The following NFIB variants were observed in gnomAD, a reference collection of about 807,000 sequenced individuals.
NFIB encodes the protein nuclear factor I B.
Under a neutral mutation model 61.5 loss-of-function variants are expected in NFIB, and 11 were observed. The observed-to-expected ratio is 0.18, with a 90% CI of 0.11 to 0.30. The LOEUF (loss-of-function observed/expected upper bound fraction) is 0.30. Among genes scored for constraint, NFIB ranks in the 10% least tolerant of loss-of-function variants. The pLI, the probability that NFIB is intolerant of heterozygous loss-of-function variation, is 1.00. For synonymous variants in NFIB, 260 were observed against 216.5 expected, an observed-to-expected ratio of 1.20 and a Z score of -1.76; for missense variants, 471 against 608.9, an observed-to-expected ratio of 0.77 and a Z score of 2.38.
At chr9:14,306,141 G>A (rs1016693846) in intron 2 of NFIB, 2 of 348,342 alleles carry the variant, frequency 5.7e-6, no homozygotes, top group Admixed American at 5.0e-5. Flanking sequence ...TCCTTCTCAG[G>A]TATTTTAAAT....
At chr9:14,455,324 G>C in the NFIB span, among the ~76,000 whole-genome samples, 1 of 152,192 alleles carries the variant, frequency 6.6e-6, no homozygotes, top group Non-Finnish European at 1.5e-5. Context: ...AAATATGTGT[G>C]ATATAACAAA....
At chr9:14,328,361 G>C (rs1369314897) in intron 1 of NFIB, among the ~76,000 whole-genome samples, 1 of 152,036 alleles carries the variant, frequency 6.6e-6, no homozygotes, top group Non-Finnish European at 1.5e-5. Context: ...GCCTAGTCTG[G>C]TCTCAAACTC....
At chr9:14,165,787 T>G (rs185765421) in intron 3 of NFIB, among the ~76,000 whole-genome samples, 262 of 152,272 alleles carry the variant, frequency 1.7e-3, no homozygotes, top group Non-Finnish European at 3.3e-3. Context: ...TCCACTTACA[T>G]GAACTATCTA....
chr9:14,346,334 A>G lies in NFIB; in HGVS notation c.109-38814T>C, dbSNP rs1201955824. ...AGCTAAAGGTAAAGGTGATCCTGAA[A>G]CCGCTTGCCCCTGGGAACGTCGCTC... On this transcript the variant is annotated intron_variant, in intron 1 of 8. Transcript: ENST00000380934. Among the ~76,000 whole-genome samples the G allele has an allele frequency of 4.3e-5, 6 of 139,708 alleles. No homozygotes were observed. In the East Asian group the frequency reaches 6.9e-4, roughly 16 times the overall value. 91.7% of individuals were successfully genotyped at this position (139,708 alleles called of 152,430 possible).
intron 2 of NFIB, among the ~76,000 whole-genome samples, chr9:14,277,952 C>G (rs2058112950): frequency 6.6e-6 from 1 of 152,174 alleles, no homozygotes; most frequent in African/African-American, 2.4e-5. Flanking sequence ...TGGCAAAGCG[C>G]TCACAAAGAT....
chr9:14,245,546 A>C (rs2054822878), intron 2 of NFIB, among the ~76,000 whole-genome samples: 1 of 152,158 alleles, frequency 6.6e-6, no homozygotes, highest in African/African-American at 2.4e-5. Context: ...ATACGTAAAC[A>C]CATGATTATA....
At chr9:14,288,482 G>A (rs1186062570) in intron 2 of NFIB, among the ~76,000 whole-genome samples, 1 of 151,958 alleles carries the variant, frequency 6.6e-6, no homozygotes, top group East Asian at 1.9e-4. Flanking sequence ...TCCCAAAACA[G>A]TATATATCAA....
At position 14,121,061 on chromosome 9, in the gene NFIB, G is replaced by A. The variant is rs188216002; in HGVS notation, c.1061-437C>T. ...GTGGATCACCTGAGGTCAGGAGTTC[G>A]AGACCAGCCTGGCTAACATGGTGAA... is the stretch of plus-strand genomic sequence containing the variant. On this transcript the variant is annotated intron_variant, in intron 7 of 10. Transcript: ENST00000380953. Among the ~76,000 whole-genome samples the A allele has an allele frequency of 5.0e-3, 754 of 152,230 alleles. 6 individuals are homozygous for A. The highest frequency in any genetic ancestry group is 0.016 in the African/African-American group (646 of 41,530).
intron 1 of NFIB, among the ~76,000 whole-genome samples, chr9:14,336,018 C>T (rs1002102765): frequency 6.6e-6 from 1 of 152,136 alleles, no homozygotes; most frequent in Non-Finnish European, 1.5e-5. Flanking sequence ...TATTCTGTTT[C>T]ATTGATTTAT....
the NFIB span, among the ~76,000 whole-genome samples, chr9:14,488,153 C>G: frequency 6.6e-6 from 1 of 151,986 alleles, no homozygotes; most frequent in Admixed American, 6.6e-5. Flanking sequence ...TGCTTGAGTC[C>G]AGGAGTTTGA....
At chr9:14,228,589 G>T (rs2131904881) in intron 2 of NFIB, among the ~76,000 whole-genome samples, 1 of 152,228 alleles carries the variant, frequency 6.6e-6, no homozygotes, top group Non-Finnish European at 1.5e-5. Flanking sequence ...ACATTTAATT[G>T]TTCATTTAAT....
rs1249464928 is a variant in NFIB at position 14,120,815 on chromosome 9, C to T, written c.1061-191G>A. ...CTCAACACCAGTACGGCTAACTACA[C>T]AGAGATAAAACATCACTCTAGAAAA... is the stretch of plus-strand genomic sequence containing the variant. On this transcript the variant is annotated intron_variant, in intron 7 of 10. Coordinates refer to ENST00000380953, the MANE Select transcript of NFIB (RefSeq NM_001190737.2). This position sits in a 1 kb window ranked among gnomAD's most constrained non-coding sequence, Gnocchi z 4.4. 2.0e-5 allele frequency among the ~76,000 whole-genome samples: 3 copies of T among 152,180 alleles called. No individual in the cohort carries two copies. Among genetic ancestry groups the T allele is most frequent in the Non-Finnish European group, 4.4e-5 (3 of 68,038 alleles).
intron 2 of NFIB, among the ~76,000 whole-genome samples, chr9:14,287,245 C>T (rs1342205917): frequency 6.6e-6 from 1 of 151,290 alleles, no homozygotes; most frequent in African/African-American, 2.4e-5. Context: ...TCCTGGCTAA[C>T]ACGGTGAAAC....
the NFIB span, among the ~76,000 whole-genome samples, chr9:14,425,075 C>T: frequency 2.0e-5 from 3 of 152,120 alleles, 1 homozygote; most frequent in Admixed American, 1.3e-4. Flanking sequence ...TGGGTTTAGC[C>T]GCTGGCATGG....
At chr9:14,224,259 G>A (rs546714782) in intron 2 of NFIB, among the ~76,000 whole-genome samples, 2 of 152,238 alleles carry the variant, frequency 1.3e-5, no homozygotes, top group East Asian at 3.9e-4. Context: ...TAAGATCACA[G>A]CTATTTTTCA....
rs576843559 is a variant in NFIB at position 14,086,783 on chromosome 9, T to C, written c.*1526A>G. 4.8e-6 allele frequency: 1 copy of C among 207,076 alleles called. No individual in the cohort carries two copies. Among genetic ancestry groups the C allele is most frequent in the African/African-American group, 2.3e-5 (1 of 43,844 alleles). 12.8% of individuals were successfully genotyped at this position (207,076 alleles called of 1,614,324 possible). A position where few individuals can be genotyped will look rare whatever the true frequency, so the allele number is the denominator to read the frequency against. On this transcript the variant is annotated 3_prime_UTR_variant, in exon 11 of 11. Transcript: ENST00000380953. The stretch of plus-strand genomic sequence containing the variant: ...TGTCACTTTGTTGTATTTTTTTGTT[T>C]TTTTTTTTTTGTTTTTTGTTTTTTA...
At chr9:14,339,570 A>C (rs2060925949) in intron 1 of NFIB, among the ~76,000 whole-genome samples, 1 of 152,106 alleles carries the variant, frequency 6.6e-6, no homozygotes, top group African/African-American at 2.4e-5. Context: ...AACACCTCTA[A>C]ATTTACTACC....
intron 6 of NFIB, among the ~76,000 whole-genome samples, chr9:14,140,205 G>T (rs546994781): frequency 6.6e-6 from 1 of 152,260 alleles, no homozygotes; most frequent in East Asian, 1.9e-4. Flanking sequence ...TTCCAGTATG[G>T]TTACTAAGCT....
At chr9:14,261,367 C>A (rs965908471) in intron 2 of NFIB, among the ~76,000 whole-genome samples, 3 of 152,078 alleles carry the variant, frequency 2.0e-5, no homozygotes, top group Admixed American at 2.0e-4. Flanking sequence ...AAAGAAGAAA[C>A]TCAAAAGCAG....
Sources: allele counts gnomAD v4.1 joint callset (sites outside exome capture counted in the v4.1 genomes callset), GRCh38; gene constraint gnomAD v4.1.1; non-coding constraint Gnocchi (gnomAD v3.1); transcripts MANE v1.5; gene names NCBI Gene and HGNC (gene_info 2026-07-23, HGNC 2026-07-21).